The following CLCN3 variants were observed in gnomAD, a reference collection of about 807,000 sequenced individuals.
CLCN3 encodes Cl-/H+ antiporter 3.
Under a neutral mutation model 83.4 loss-of-function variants are expected in CLCN3, and 16 were observed. The ratio of observed to expected loss-of-function variants is 0.19; its 90% CI spans 0.13 to 0.29. CLCN3 has a LOEUF of 0.29. CLCN3 is among the 10% of genes least tolerant of loss of function. The pLI is 1.00. For missense variants in CLCN3, 544 were observed against 1,006.0 expected, an observed-to-expected ratio of 0.54 and a Z score of 6.21; for synonymous variants, 322 against 346.2, an observed-to-expected ratio of 0.93 and a Z score of 0.78.
chr4:169,634,367 A>G (rs1171280980), intron 1 of CLCN3, among the ~76,000 whole-genome samples: 4 of 152,224 alleles, frequency 2.6e-5, no homozygotes, highest in Non-Finnish European at 4.4e-5. Flanking sequence ...CTTAGCATAC[A>G]TGCTTTGATA....
At chr4:169,656,320 A>T (rs929629337) in intron 2 of CLCN3, among the ~76,000 whole-genome samples, 6 of 152,184 alleles carry the variant, frequency 3.9e-5, no homozygotes, top group African/African-American at 1.4e-4. Context: ...TTCATGGCGG[A>T]AGATGAAGGA....
At chr4:169,692,053 G>A in intron 6 of CLCN3, 61 bp from the exon 7 acceptor site, 1 of 1,057,146 alleles carries the variant, frequency 9.5e-7, no homozygotes. Flanking sequence ...AAATAACTTG[G>A]ATTCGTTACA....
intron 2 of CLCN3, among the ~76,000 whole-genome samples, chr4:169,651,108 A>T (rs2150212378): frequency 6.6e-6 from 1 of 152,296 alleles, no homozygotes; most frequent in South Asian, 2.1e-4. Context: ...TTAATTTTAT[A>T]ATATACAGAA....
Position 169,706,951 on chromosome 4 carries a change from G to A in CLCN3, c.1834G>A (p.Ala612Thr), listed in dbSNP as rs746440784. The change falls in exon 11 of 13, where the codon GCT becomes ACT. Residue 612 changes from alanine to threonine, a missense_variant. Coordinates refer to ENST00000513761, the MANE Select transcript of CLCN3 (RefSeq NM_001829.4). ...GGLEYIVPLM[A>T]AVMTSKWVGD... Reference sequence around the variant, plus strand: ...CTTGGAATATATTGTTCCCCTTATGGCTGCAGTCATGACCAGTAAATGGGT... The same window carrying A: ...CTTGGAATATATTGTTCCCCTTATGACTGCAGTCATGACCAGTAAATGGGT... 6.2e-7 allele frequency: 1 copy of A among 1,614,084 alleles called. No individual in the cohort carries two copies. The highest frequency in any genetic ancestry group is 1.1e-5 in the South Asian group (1 of 91,072).
At chr4:169,689,267 G>C (rs1458312732) in intron 5 of CLCN3, 37 bp downstream of exon 5, 1 of 1,542,916 alleles carries the variant, frequency 6.5e-7, no homozygotes, top group African/African-American at 1.4e-5. Flanking sequence ...ATTAATAATT[G>C]ATATAGCAAA....
intron 2 of CLCN3, among the ~76,000 whole-genome samples, chr4:169,667,093 G>A (rs1303800109): frequency 6.6e-6 from 1 of 151,704 alleles, no homozygotes; most frequent in Non-Finnish European, 1.5e-5. Context: ...GCCTAACTCA[G>A]GATCACAAAA....
At chr4:169,702,035 G>A (rs937229055) in intron 9 of CLCN3, among the ~76,000 whole-genome samples, 4 of 152,156 alleles carry the variant, frequency 2.6e-5, no homozygotes, top group Non-Finnish European at 5.9e-5. Context: ...GCCTCTAAAT[G>A]TGCATGCTTG....
intron 2 of CLCN3, among the ~76,000 whole-genome samples, chr4:169,679,168 C>A (rs1280346415): frequency 2.0e-5 from 3 of 151,760 alleles, no homozygotes; most frequent in African/African-American, 7.3e-5. Context: ...CTCCTCACCT[C>A]CCAGACAGGG....
At chr4:169,681,625 T>C (rs1212818799) in intron 3 of CLCN3, among the ~76,000 whole-genome samples, 4 of 152,164 alleles carry the variant, frequency 2.6e-5, no homozygotes, top group Non-Finnish European at 4.4e-5. Flanking sequence ...TTAAAAGATA[T>C]TGAAGAGCTC....
At chr4:169,668,646 G>A (rs1465489665) in intron 2 of CLCN3, among the ~76,000 whole-genome samples, 1 of 151,714 alleles carries the variant, frequency 6.6e-6, no homozygotes, top group Non-Finnish European at 1.5e-5. Flanking sequence ...TTTTGTTACT[G>A]TTTTTCAGCC....
intron 9 of CLCN3, among the ~76,000 whole-genome samples, chr4:169,700,419 G>A (rs1422633128): frequency 3.9e-5 from 6 of 151,946 alleles, no homozygotes; most frequent in Non-Finnish European, 7.4e-5. Flanking sequence ...CATCACACCC[G>A]GCTAATTTTT....
In CLCN3 at chr4:169,705,695, T is replaced by TA. The variant is rs1229937315; in HGVS notation, c.1751-1166dup. On this transcript the variant is annotated intron_variant, in intron 10 of 12. Transcript: ENST00000513761. Reference sequence around the variant, plus strand: ...GATCTGTCTCCTTGCTATTTTTAGGTAAAAAAACAAAAGGAAGAGCTTCAG... The same window carrying TA: ...GATCTGTCTCCTTGCTATTTTTAGGTAAAAAAAACAAAAGGAAGAGCTTCAG... Among the ~76,000 whole-genome samples the TA allele has an allele frequency of 3.3e-5, 5 of 152,006 alleles. No individual in the cohort carries two copies. In the East Asian group the frequency reaches 9.6e-4, roughly 29 times the overall value.
chr4:169,677,888 G>T (rs1050356068), intron 2 of CLCN3, among the ~76,000 whole-genome samples: 3 of 150,292 alleles, frequency 2.0e-5, no homozygotes, highest in Non-Finnish European at 4.4e-5. Context: ...AAAGCCAATT[G>T]TATTTCTTTT....
At chr4:169,677,933 T>C (rs1464759021) in intron 2 of CLCN3, among the ~76,000 whole-genome samples, 9 of 152,230 alleles carry the variant, frequency 5.9e-5, no homozygotes, top group Admixed American at 5.9e-4. Flanking sequence ...TCCTGATACA[T>C]TTCTGAAGTC....
At chr4:169,696,408 T>G (rs1399821545) in intron 8 of CLCN3, among the ~76,000 whole-genome samples, 1 of 152,140 alleles carries the variant, frequency 6.6e-6, no homozygotes, top group African/African-American at 2.4e-5. Flanking sequence ...CCAGGAATTT[T>G]TTTTTAATTT....
chr4:169,704,529 A>AT (rs1732917348), intron 10 of CLCN3, among the ~76,000 whole-genome samples: 1 of 152,228 alleles, frequency 6.6e-6, no homozygotes, highest in African/African-American at 2.4e-5. Context: ...TGGCTTACCT[A>AT]TAACAACTAT....
chr4:169,702,701 G>C (rs536597970), intron 9 of CLCN3: 111 of 171,782 alleles, frequency 6.5e-4, no homozygotes, highest in African/African-American at 2.6e-3. Context: ...CCATGCTTTG[G>C]GAGGCCAAGG....
intron 3 of CLCN3, among the ~76,000 whole-genome samples, chr4:169,682,857 G>T (rs1298533570): frequency 6.6e-6 from 1 of 152,088 alleles, no homozygotes; most frequent in Non-Finnish European, 1.5e-5. Flanking sequence ...CACTGGTTTT[G>T]CATTTTCAGT....
At chr4:169,680,886 C>G (rs145708742) in intron 3 of CLCN3, among the ~76,000 whole-genome samples, 5 of 152,258 alleles carry the variant, frequency 3.3e-5, no homozygotes, top group African/African-American at 4.8e-5. Flanking sequence ...TCTCAGTCTT[C>G]TGCCCATGCT....
Sources: allele counts gnomAD v4.1 joint callset (sites outside exome capture counted in the v4.1 genomes callset), GRCh38; gene constraint gnomAD v4.1.1; transcripts MANE v1.5; gene names NCBI Gene and HGNC (gene_info 2026-07-23, HGNC 2026-07-21).